The following ZNF385D variants were observed in gnomAD, a reference collection of about 807,000 sequenced individuals.
ZNF385D encodes zinc finger protein 659.
Under a neutral mutation model 35.8 loss-of-function variants are expected in ZNF385D, and 15 were observed. The observed-to-expected ratio is 0.42, with a 90% CI of 0.28 to 0.64. The LOEUF (loss-of-function observed/expected upper bound fraction) is 0.64. ZNF385D is among the 30% of genes least tolerant of loss of function. The probability of loss-of-function intolerance (pLI) is 0.23; values close to 1 mark genes in which losing one functional copy is unlikely to be tolerated. For synonymous variants in ZNF385D, 212 were observed against 186.8 expected (o/e 1.13, Z -1.10); for missense variants, 474 against 494.6 (o/e 0.96, Z 0.39).
At chr3:22,242,119 A>C (rs1316142623) in intron 2 of ZNF385D, among the ~76,000 whole-genome samples, 3 of 150,798 alleles carry the variant, frequency 2.0e-5, no homozygotes, top group Non-Finnish European at 4.4e-5. Flanking sequence ...AGATATACCT[A>C]ATGCTAGATG....
chr3:22,138,927 G>C (rs2125699747), intron 3 of ZNF385D, among the ~76,000 whole-genome samples: 1 of 152,196 alleles, frequency 6.6e-6, no homozygotes, highest in African/African-American at 2.4e-5. Flanking sequence ...ATCTGACAAA[G>C]GGCTAATATC....
rs1281766484 is a variant in ZNF385D at position 22,307,466 on chromosome 3, AT to A, written c.106+64983del. Among the ~76,000 whole-genome samples the A allele has an allele frequency of 5.9e-5, 9 of 152,262 alleles. No individual in the cohort carries two copies. The East Asian group carries it at 1.7e-3, about 29-fold the overall frequency. Reference sequence around the variant, plus strand: ...AAGTTATATCCACATGGAAATAAGAATTGAAGGCATAAGAAAAAACATGGTT... The same window carrying A: ...AAGTTATATCCACATGGAAATAAGAATGAAGGCATAAGAAAAAACATGGTT... On this transcript the variant is annotated intron_variant, in intron 2 of 5. Transcript: ENST00000494108.
At chr3:22,178,371 C>T (rs1328307717) in intron 2 of ZNF385D, among the ~76,000 whole-genome samples, 1 of 152,196 alleles carries the variant, frequency 6.6e-6, no homozygotes, top group African/African-American at 2.4e-5. Context: ...CTTTTGGCTG[C>T]ATTAATGTCT....
chr3:21,453,148 G>A (rs868867671), intron 4 of ZNF385D, among the ~76,000 whole-genome samples: 29 of 134,234 alleles, frequency 2.2e-4, no homozygotes, highest in African/African-American at 6.9e-4. Flanking sequence ...ATGATGCTAG[G>A]ACAAATAAGC....
At chr3:21,461,630 C>T (rs929506501) in intron 4 of ZNF385D, among the ~76,000 whole-genome samples, 13 of 152,156 alleles carry the variant, frequency 8.5e-5, no homozygotes, top group Non-Finnish European at 2.9e-5. Flanking sequence ...GACAGCAATC[C>T]TAGTAAAGAC....
chr3:22,366,693 C>T (rs901777947), intron 2 of ZNF385D, among the ~76,000 whole-genome samples: 8 of 152,118 alleles, frequency 5.3e-5, no homozygotes, highest in Non-Finnish European at 7.4e-5. Context: ...TACATTAGTT[C>T]GTAATCCTTA....
chr3:22,146,087 A>G (rs1454099147), intron 3 of ZNF385D, among the ~76,000 whole-genome samples: 1 of 152,180 alleles, frequency 6.6e-6, no homozygotes. Flanking sequence ...TGTGAACTGC[A>G]TCAAACACAA....
chr3:22,006,135 C>A (rs973056100), intron 3 of ZNF385D, among the ~76,000 whole-genome samples: 4 of 152,010 alleles, frequency 2.6e-5, no homozygotes, highest in African/African-American at 9.7e-5. Context: ...ACTCTTCAAC[C>A]TTTAGATAAG....
chr3:22,014,968 GAAGA>G (rs985324978), intron 3 of ZNF385D, among the ~76,000 whole-genome samples: 2 of 152,112 alleles, frequency 1.3e-5, no homozygotes, highest in Non-Finnish European at 2.9e-5. Context: ...ATTAGAGGCA[GAAGA>G]AAGAAATTTC....
intron 3 of ZNF385D, among the ~76,000 whole-genome samples, chr3:21,946,278 A>C (rs1701777609): frequency 6.6e-6 from 1 of 152,180 alleles, no homozygotes; most frequent in Non-Finnish European, 1.5e-5. Context: ...ATAGTCTATT[A>C]GTTATTTTAC....
At chr3:21,702,707 T>C (rs2067736596) in intron 1 of ZNF385D, among the ~76,000 whole-genome samples, 1 of 152,226 alleles carries the variant, frequency 6.6e-6, no homozygotes, top group Non-Finnish European at 1.5e-5. Context: ...GCTTCGCTGC[T>C]TAGAAATTTC....
intron 4 of ZNF385D, among the ~76,000 whole-genome samples, chr3:21,455,571 T>A (rs951685518): frequency 2.3e-4 from 35 of 152,194 alleles, no homozygotes; most frequent in African/African-American, 7.0e-4. Flanking sequence ...CTTACACCTT[T>A]TACAAAAATT....
intron 4 of ZNF385D, among the ~76,000 whole-genome samples, chr3:21,498,299 C>T (rs568229633): frequency 8.6e-5 from 13 of 152,038 alleles, no homozygotes; most frequent in Admixed American, 4.6e-4. Flanking sequence ...CCATTCTGGA[C>T]GTAGGATCTG....
At chr3:21,977,665 T>C (rs1035749546) in intron 3 of ZNF385D, among the ~76,000 whole-genome samples, 4 of 151,704 alleles carry the variant, frequency 2.6e-5, no homozygotes, top group African/African-American at 7.3e-5. Context: ...AAAATATATA[T>C]ATAAAAATAA....
rs149848194 is a variant in ZNF385D, at chr3:22,061,344, C to T, written c.325+107473G>A. ...TTCTTCTGTCCAAATGTATTTTAGT[C>T]CCCCCATTTCTTTCTACTTTTCCTG... On this transcript the variant is annotated intron_variant, in intron 3 of 5. Transcript: ENST00000494108. Among the ~76,000 whole-genome samples the T allele has an allele frequency of 5.2e-3, 791 of 152,104 alleles. 14 individuals carry two copies. The highest frequency in any genetic ancestry group is 0.037 in the Admixed American group (563 of 15,270).
chr3:21,468,658 G>T (rs1432101997), intron 4 of ZNF385D, among the ~76,000 whole-genome samples: 1 of 152,070 alleles, frequency 6.6e-6, no homozygotes, highest in East Asian at 1.9e-4. Flanking sequence ...GGGGGCGGTG[G>T]CTCACGCCTG....
intron 3 of ZNF385D, among the ~76,000 whole-genome samples, chr3:22,163,475 A>G (rs976822918): frequency 2.0e-5 from 3 of 152,214 alleles, no homozygotes; most frequent in Admixed American, 6.5e-5. Flanking sequence ...TAAATATGTA[A>G]AACATATTTT....
intron 3 of ZNF385D, among the ~76,000 whole-genome samples, chr3:22,064,904 T>C (rs1422875664): frequency 1.3e-5 from 2 of 152,198 alleles, no homozygotes; most frequent in African/African-American, 4.8e-5. Context: ...ATGCATTGTA[T>C]ATTTAAAAAA....
intron 2 of ZNF385D, among the ~76,000 whole-genome samples, chr3:21,601,525 G>C (rs1251594046): frequency 6.6e-6 from 1 of 152,142 alleles, no homozygotes; most frequent in Non-Finnish European, 1.5e-5. Flanking sequence ...GGCCTCCTTT[G>C]CTAATAAAAG....
Sources: allele counts gnomAD v4.1 joint callset (sites outside exome capture counted in the v4.1 genomes callset), GRCh38; gene constraint gnomAD v4.1.1; transcripts MANE v1.5; gene names NCBI Gene and HGNC (gene_info 2026-07-23, HGNC 2026-07-21).